Variants in FMN1 observed in about 807,000 individuals in gnomAD.
FMN1 encodes the protein formin-1.
Under a neutral mutation model 132.4 loss-of-function variants are expected in FMN1, and 110 were observed. That is an observed-to-expected ratio of 0.83 (90% CI 0.71 to 0.97). The LOEUF (loss-of-function observed/expected upper bound fraction) is 0.97. Among genes scored for constraint, FMN1 ranks in the 50% least tolerant of loss-of-function variants. The pLI is 0.00. For synonymous variants in FMN1, 722 were observed against 651.7 expected (o/e 1.11, Z -1.64); for missense variants, 1,792 against 1,705.3 (o/e 1.05, Z -0.90).
intron 8 of FMN1, among the ~76,000 whole-genome samples, chr15:32,966,190 C>T (rs1202705449): frequency 6.6e-6 from 1 of 152,130 alleles, no homozygotes; most frequent in Non-Finnish European, 1.5e-5. Context: ...GCCCCACGGA[C>T]TCTGAGGTCA....
chr15:32,895,854 A>C (rs543878151), intron 15 of FMN1, among the ~76,000 whole-genome samples: 1 of 152,140 alleles, frequency 6.6e-6, no homozygotes, highest in East Asian at 1.9e-4. Flanking sequence ...AGTATTTTAA[A>C]ATTTTAATTA....
At chr15:32,933,669 A>G (rs752924280) in intron 9 of FMN1, among the ~76,000 whole-genome samples, 2 of 152,112 alleles carry the variant, frequency 1.3e-5, no homozygotes, top group Admixed American at 6.5e-5. Flanking sequence ...TATAACTGTT[A>G]TATCTTCCTG....
At chr15:32,947,936 T>C (rs138117924) in intron 9 of FMN1, among the ~76,000 whole-genome samples, 1 of 152,160 alleles carries the variant, frequency 6.6e-6, no homozygotes, top group African/African-American at 2.4e-5. Context: ...CAATATATTT[T>C]ATTTGATTTC....
Position 33,069,989 on chromosome 15 carries a change from T to TTC in FMN1, c.2044-4917_2044-4916dup, listed in dbSNP as rs1218032593. On this transcript the variant is annotated intron_variant, in intron 5 of 20. Transcript: ENST00000616417. ...TCACAACAGATCATAAGATCAGTCTTTCTCTTTTTTTTTTTTTTTTTTTTT... is the reference window on the plus strand; with the variant it reads ...TCACAACAGATCATAAGATCAGTCTTTCTCTCTTTTTTTTTTTTTTTTTTTTT... Among the ~76,000 whole-genome samples the TTC allele has an allele frequency of 2.8e-5, 3 of 107,106 alleles. 1 individual carries two copies. The highest frequency in any genetic ancestry group is 2.4e-4 in the Admixed American group (2 of 8,330). The allele number at this position is 107,106 out of a possible 152,430, so 70.3% of individuals were successfully genotyped here.
intron 6 of FMN1, among the ~76,000 whole-genome samples, chr15:33,022,370 C>G (rs1476237803): frequency 6.6e-6 from 1 of 152,038 alleles, no homozygotes; most frequent in Non-Finnish European, 1.5e-5. Flanking sequence ...TGGGGAGAGA[C>G]AAGGATGAGC....
At chr15:33,132,926 G>C (rs1182788156) in intron 4 of FMN1, among the ~76,000 whole-genome samples, 2 of 152,092 alleles carry the variant, frequency 1.3e-5, no homozygotes, top group African/African-American at 4.8e-5. Flanking sequence ...CCCTCTACTG[G>C]ACAAAACATG....
At chr15:32,985,289 T>G (rs946286106) in intron 7 of FMN1, among the ~76,000 whole-genome samples, 7 of 152,178 alleles carry the variant, frequency 4.6e-5, no homozygotes, top group Non-Finnish European at 2.9e-5. Flanking sequence ...TTGGATTCTC[T>G]GATAGTACAA....
intron 16 of FMN1, among the ~76,000 whole-genome samples, chr15:32,865,855 A>AAAAT (rs1567293797): frequency 1.6e-4 from 3 of 18,386 alleles, no homozygotes; most frequent in African/African-American, 3.3e-4. Flanking sequence ...AAAAAAAAAT[A>AAAAT]AAATAAAATA....
At chr15:32,980,911 G>A (rs1379903530) in intron 7 of FMN1, among the ~76,000 whole-genome samples, 3 of 152,192 alleles carry the variant, frequency 2.0e-5, no homozygotes, top group Non-Finnish European at 4.4e-5. Flanking sequence ...CTACCCAGGA[G>A]GCTGATGCAT....
intron 5 of FMN1, among the ~76,000 whole-genome samples, chr15:33,087,869 A>AT (rs2038760838): frequency 6.6e-6 from 1 of 152,148 alleles, no homozygotes; most frequent in South Asian, 2.1e-4. Flanking sequence ...ATACCATGGA[A>AT]TACTAAGCCA....
At chr15:33,032,377 G>A (rs2035978714) in intron 6 of FMN1, among the ~76,000 whole-genome samples, 1 of 152,094 alleles carries the variant, frequency 6.6e-6, no homozygotes, top group African/African-American at 2.4e-5. Flanking sequence ...TAGCTTAAAG[G>A]TTCAAAAACA....
intron 9 of FMN1, among the ~76,000 whole-genome samples, chr15:32,940,425 G>C (rs1455544400): frequency 6.9e-6 from 1 of 144,388 alleles, no homozygotes; most frequent in Non-Finnish European, 1.5e-5. Flanking sequence ...GTGTGTGTGT[G>C]TGTGTGTCTG....
chr15:32,938,245 G>A (rs1411194939), intron 9 of FMN1, among the ~76,000 whole-genome samples: 1 of 151,960 alleles, frequency 6.6e-6, no homozygotes, highest in Non-Finnish European at 1.5e-5. Flanking sequence ...TCCAAATTTT[G>A]GCCAGGCAAG....
chr15:32,836,541 C>T (rs557501905), intron 17 of FMN1, among the ~76,000 whole-genome samples: 1 of 152,278 alleles, frequency 6.6e-6, no homozygotes, highest in Admixed American at 6.5e-5. Context: ...CATGCTTTCT[C>T]CCCAGAACCG....
At chr15:32,799,083 A>G in intron 18 of FMN1, 130 bp from the exon 19 acceptor site, 1 of 679,566 alleles carries the variant, frequency 1.5e-6, no homozygotes, top group Non-Finnish European at 2.4e-6. Context: ...CTGGGGGCTC[A>G]TAGTTACTGA....
chr15:33,132,928 C>A (rs1019393103), intron 4 of FMN1, among the ~76,000 whole-genome samples: 2 of 152,060 alleles, frequency 1.3e-5, no homozygotes, highest in East Asian at 1.9e-4. Flanking sequence ...CTCTACTGGA[C>A]AAAACATGAA....
intron 16 of FMN1, among the ~76,000 whole-genome samples, chr15:32,875,159 C>T (rs181691173): frequency 1.3e-5 from 2 of 152,304 alleles, no homozygotes; most frequent in Admixed American, 6.5e-5. Flanking sequence ...TAGCCCTCAG[C>T]CTGCTTTATG....
chr15:33,061,466 A>G (rs2037479627), intron 6 of FMN1, among the ~76,000 whole-genome samples: 1 of 152,092 alleles, frequency 6.6e-6, no homozygotes, highest in South Asian at 2.1e-4. Context: ...TAAATACCAT[A>G]CATTTAATTT....
intron 19 of FMN1, among the ~76,000 whole-genome samples, chr15:32,785,194 G>GTATATA (rs1567162778): frequency 1.9e-4 from 4 of 21,538 alleles, no homozygotes; most frequent in African/African-American, 4.2e-4. Flanking sequence ...GTGTGTGTGT[G>GTATATA]TGTGTGTATA....
Sources: allele counts gnomAD v4.1 joint callset (sites outside exome capture counted in the v4.1 genomes callset), GRCh38; gene constraint gnomAD v4.1.1; transcripts MANE v1.5; gene names NCBI Gene and HGNC (gene_info 2026-07-23, HGNC 2026-07-21).